Variants in CYP4X1 observed in about 807,000 individuals in gnomAD.
CYP4X1 encodes cytochrome P450 family 4 subfamily X member 1.
CYP4X1 carries 44 observed loss-of-function variants against 57.9 expected under a neutral mutation model. The observed-to-expected ratio is 0.76, with a 90% CI of 0.60 to 0.98. CYP4X1 has a LOEUF of 0.98. CYP4X1 is among the 50% of genes least tolerant of loss of function. The probability of loss-of-function intolerance (pLI) is 0.00; values close to 1 mark genes in which losing one functional copy is unlikely to be tolerated. For missense variants in CYP4X1, 532 were observed against 623.9 expected (o/e 0.85, Z 1.57); for synonymous variants, 227 against 228.6 (o/e 0.99, Z 0.06).
downstream of CYP4X1, among the ~76,000 whole-genome samples, chr1:47,054,183 C>G (rs185488443): frequency 0.011 from 1,735 of 151,772 alleles, 46 homozygotes; most frequent in African/African-American, 0.04. Flanking sequence ...GGAATTGTTT[C>G]CCCATTTCTT....
the CYP4X1 span, among the ~76,000 whole-genome samples, chr1:47,012,695 T>A: frequency 2.6e-5 from 4 of 152,212 alleles, no homozygotes; most frequent in African/African-American, 9.6e-5. Flanking sequence ...GGACCAAGGT[T>A]TTTTAGCTTA....
At chr1:46,970,957 G>A in the CYP4X1 span, among the ~76,000 whole-genome samples, 1 of 152,086 alleles carries the variant, frequency 6.6e-6, no homozygotes, top group African/African-American at 2.4e-5. Flanking sequence ...AGGTTCAGGG[G>A]TACATGTGCA....
chr1:47,009,764 C>T, the CYP4X1 span, among the ~76,000 whole-genome samples: 1 of 152,210 alleles, frequency 6.6e-6, no homozygotes, highest in East Asian at 1.9e-4. Flanking sequence ...AAACTACCAT[C>T]AGGGAATACT....
intron 8 of CYP4X1, among the ~76,000 whole-genome samples, chr1:47,043,575 T>C (rs2148514254): frequency 6.6e-6 from 1 of 152,264 alleles, no homozygotes; most frequent in South Asian, 2.1e-4. Context: ...TAAGCCAATA[T>C]CTAGAAGGGT....
chr1:47,008,468 C>T, the CYP4X1 span, among the ~76,000 whole-genome samples: 393 of 152,322 alleles, frequency 2.6e-3, 1 homozygote, highest in Non-Finnish European at 4.8e-3. Context: ...ACTGCAAAAA[C>T]ATGCCACATT....
At chr1:47,047,540 A>G (rs1363815037) in intron 9 of CYP4X1, among the ~76,000 whole-genome samples, 1 of 152,186 alleles carries the variant, frequency 6.6e-6, no homozygotes, top group Non-Finnish European at 1.5e-5. Flanking sequence ...TCCATATGTG[A>G]ATAGCACCAA....
At chr1:46,983,861 G>A in the CYP4X1 span, among the ~76,000 whole-genome samples, 1 of 152,142 alleles carries the variant, frequency 6.6e-6, no homozygotes, top group African/African-American at 2.4e-5. Flanking sequence ...CTTCACTGGG[G>A]TCCCAGGTCA....
At chr1:47,002,493 C>G in the CYP4X1 span, among the ~76,000 whole-genome samples, 6 of 152,332 alleles carry the variant, frequency 3.9e-5, no homozygotes, top group East Asian at 1.2e-3. Context: ...TCTGTAAGAA[C>G]AATTTGCTTG....
chr1:46,980,366 T>A, the CYP4X1 span, among the ~76,000 whole-genome samples: 1 of 152,234 alleles, frequency 6.6e-6, no homozygotes, highest in Non-Finnish European at 1.5e-5. Context: ...ATGAATGAAC[T>A]CCCATTCACA....
chr1:47,049,578 C>A, intron 11 of CYP4X1, 74 bp downstream of exon 11: 1 of 1,272,472 alleles, frequency 7.9e-7, no homozygotes, highest in Non-Finnish European at 1.1e-6. Flanking sequence ...TTCAGCTCCT[C>A]AGCTCTATAC....
In CYP4X1 at chr1:47,048,486, CAA is replaced by C. The variant is rs1178868355; in HGVS notation, c.1208-76_1208-75del. ...AGGAGCTAGCTCTTCCCTTCAAGAA[CAA>C]AAGTCTTGTTTAAGAGCACAGTAGC... On this transcript the variant is annotated intron_variant, in intron 9 of 11. Coordinates refer to ENST00000371901, the MANE Select transcript of CYP4X1 (RefSeq NM_178033.2). The C allele has an allele frequency of 7.4e-6, 11 of 1,489,070 alleles. No homozygotes were observed. In the Admixed American group the frequency reaches 1.0e-4, roughly 14 times the overall value. The allele number at this position is 1,489,070 out of a possible 1,614,324, so 92.2% of individuals were successfully genotyped here.
the CYP4X1 span, among the ~76,000 whole-genome samples, chr1:46,973,126 G>C: frequency 6.6e-6 from 1 of 151,896 alleles, no homozygotes; most frequent in African/African-American, 2.4e-5. Context: ...AGTCTGTTGA[G>C]GGTTTAACAT....
At chr1:46,987,311 A>ATC in the CYP4X1 span, among the ~76,000 whole-genome samples, 2 of 152,214 alleles carry the variant, frequency 1.3e-5, no homozygotes, top group Admixed American at 1.3e-4. Flanking sequence ...TGGCAAAGGG[A>ATC]TCAATGCATT....
downstream of CYP4X1, among the ~76,000 whole-genome samples, chr1:47,054,710 GCT>G (rs1360481308): frequency 6.6e-6 from 1 of 151,962 alleles, no homozygotes; most frequent in Non-Finnish European, 1.5e-5. Context: ...TCATGATTTG[GCT>G]CTCTGTTTGT....
chr1:46,993,967 G>A, the CYP4X1 span, among the ~76,000 whole-genome samples: 1 of 152,110 alleles, frequency 6.6e-6, no homozygotes, highest in Admixed American at 6.5e-5. Flanking sequence ...GGCTTTTGTT[G>A]CCATTGCTTT....
chr1:46,967,708 A>T, the CYP4X1 span: 1 of 967,922 alleles, frequency 1.0e-6, no homozygotes, highest in Non-Finnish European at 1.4e-6. Flanking sequence ...ATGGTTAGGG[A>T]CCCTCCTGAG....
rs749302655 is a variant in CYP4X1 at position 47,050,663 on chromosome 1, A to G, written c.*489A>G. On this transcript the variant is annotated 3_prime_UTR_variant, in exon 12 of 12. Transcript: ENST00000371901. ...ACTTTTTCCTATACATTTTATATGT[A>G]GAAATGTAGCAATGTATTTGTATAG... 6.4e-6 allele frequency: 1 copy of G among 155,736 alleles called. No individual in the cohort carries two copies. The highest frequency in any genetic ancestry group is 1.4e-5 in the Non-Finnish European group (1 of 70,198). 9.6% of individuals were successfully genotyped at this position (155,736 alleles called of 1,614,324 possible).
chr1:46,978,533 T>C, the CYP4X1 span, among the ~76,000 whole-genome samples: 1 of 152,020 alleles, frequency 6.6e-6, no homozygotes. Flanking sequence ...ATGGGAGACT[T>C]TAACACCCCA....
the CYP4X1 span, among the ~76,000 whole-genome samples, chr1:46,992,709 T>C: frequency 7.3e-4 from 111 of 152,340 alleles, no homozygotes; most frequent in Non-Finnish European, 7.9e-4. Context: ...GCCATGAACA[T>C]TGGCTCACAA....
Sources: allele counts gnomAD v4.1 joint callset (sites outside exome capture counted in the v4.1 genomes callset), GRCh38; gene constraint gnomAD v4.1.1; transcripts MANE v1.5; gene names NCBI Gene and HGNC (gene_info 2026-07-23, HGNC 2026-07-21).